Variants in PLCXD2 observed in about 807,000 individuals in gnomAD.
PLCXD2 encodes phosphatidylinositol specific phospholipase C X domain containing 2.
PLCXD2 carries 21 observed loss-of-function variants against 28.6 expected under a neutral mutation model. The observed-to-expected ratio is 0.73, with a 90% confidence interval of 0.52 to 1.06. The LOEUF is 1.06. PLCXD2 is among the 50% of genes least tolerant of loss of function. The probability of loss-of-function intolerance (pLI) is 0.00; values close to 1 mark genes in which losing one functional copy is unlikely to be tolerated. For synonymous variants in PLCXD2, 140 were observed against 150.1 expected (o/e 0.93, Z 0.49); for missense variants, 369 against 376.7 (o/e 0.98, Z 0.17).
chr3:111,684,158 C>T (rs1940757938), intron 1 of PLCXD2, among the ~76,000 whole-genome samples: 1 of 151,862 alleles, frequency 6.6e-6, no homozygotes, highest in Non-Finnish European at 1.5e-5. Context: ...GGTGAAACTC[C>T]ATCTCTACTA....
chr3:111,676,755 G>A (rs1007482684), intron 1 of PLCXD2: 4 of 152,154 alleles, frequency 2.6e-5, no homozygotes, highest in African/African-American at 9.7e-5. Context: ...TTGCCTTCAG[G>A]CCTTCTGATG....
intron 1 of PLCXD2, among the ~76,000 whole-genome samples, chr3:111,694,023 T>C (rs1056326306): frequency 6.6e-6 from 1 of 152,234 alleles, no homozygotes; most frequent in Admixed American, 6.5e-5. Context: ...TTTAAAAATA[T>C]TTACACCTCA....
At chr3:111,693,505 T>C (rs1283003775) in intron 1 of PLCXD2, among the ~76,000 whole-genome samples, 2 of 152,218 alleles carry the variant, frequency 1.3e-5, no homozygotes, top group East Asian at 3.9e-4. Flanking sequence ...GCAAGTCACC[T>C]ATTTGTGTGG....
At chr3:111,726,424 G>C (rs12638437) in intron 3 of PLCXD2, 147,145 of 152,328 alleles carry the variant, frequency 0.97, 71,122 homozygotes, top group East Asian at 1. Context: ...GAAAAATACA[G>C]AAATTGTCAT....
At position 111,675,151 on chromosome 3, in the gene PLCXD2, C is replaced by T. The variant is rs1940600348; in HGVS notation, c.-95C>T. 6.9e-7 allele frequency: 1 copy of T among 1,445,860 alleles called. No homozygotes were observed. Among genetic ancestry groups the T allele is most frequent in the African/African-American group, 1.4e-5 (1 of 70,550 alleles). The allele number at this position is 1,445,860 out of a possible 1,614,324, so 89.6% of individuals were successfully genotyped here. ...AGGCATTTTGGAAAGACTGGCGTGGCAAGCGTCGCCCTGAAACGTCCACAG... is the reference window on the plus strand; with the variant it reads ...AGGCATTTTGGAAAGACTGGCGTGGTAAGCGTCGCCCTGAAACGTCCACAG... On this transcript the variant is annotated 5_prime_UTR_variant, in exon 1 of 5. Coordinates refer to ENST00000477665, the MANE Select transcript of PLCXD2 (RefSeq NM_001185106.1).
At chr3:111,688,605 T>C (rs1940829802) in intron 1 of PLCXD2, among the ~76,000 whole-genome samples, 1 of 152,168 alleles carries the variant, frequency 6.6e-6, no homozygotes. Flanking sequence ...TCCTGCACCA[T>C]AAATCACATC....
At position 111,708,237 on chromosome 3, in the gene PLCXD2, T is replaced by G; in HGVS notation, c.475T>G (p.Phe159Val). ...TACACAGCACCCCCAGGAGATTATC[T>G]TCCTGGATTTCAACCACTTCTATGC... The change falls in exon 2 of 5, where the codon TTC becomes GTC. Residue 159 changes from phenylalanine to valine, a missense_variant. Physicochemically the swap from Phe to Val is conservative, Grantham distance 50 (BLOSUM62 -1). Transcript: ENST00000477665. 6.2e-7 allele frequency: 1 copy of G among 1,614,170 alleles called. No individual in the cohort carries two copies. Among genetic ancestry groups the G allele is most frequent in the Non-Finnish European group, 8.5e-7 (1 of 1,180,014 alleles).
chr3:111,698,055 CA>C (rs1199605579), intron 1 of PLCXD2, among the ~76,000 whole-genome samples: 1 of 152,082 alleles, frequency 6.6e-6, no homozygotes, highest in African/African-American at 2.4e-5. Flanking sequence ...GACAGATCCT[CA>C]AATATAAATA....
At chr3:111,725,839 T>C (rs1941408441) in intron 3 of PLCXD2, 1 of 398,494 alleles carries the variant, frequency 2.5e-6, no homozygotes, top group Admixed American at 4.4e-5. Flanking sequence ...GTGTCATTCC[T>C]TCCCGTCTCC....
chr3:111,712,130 A>C (rs995865501), intron 2 of PLCXD2, among the ~76,000 whole-genome samples: 4 of 152,188 alleles, frequency 2.6e-5, no homozygotes, highest in African/African-American at 9.7e-5. Context: ...TTGGTTTGCA[A>C]GGCCGGCCTC....
At chr3:111,715,053 G>A (rs1422072873) in intron 3 of PLCXD2, among the ~76,000 whole-genome samples, 2 of 152,084 alleles carry the variant, frequency 1.3e-5, no homozygotes, top group Non-Finnish European at 2.9e-5. Flanking sequence ...GGTAACATGA[G>A]TTCAGATAAC....
chr3:111,698,120 T>C (rs1451987100), intron 1 of PLCXD2, among the ~76,000 whole-genome samples: 4 of 152,212 alleles, frequency 2.6e-5, no homozygotes, highest in African/African-American at 9.6e-5. Context: ...GTTTCTCAGA[T>C]AGTATCATCC....
chr3:111,723,799 ATAGT>A (rs1941379213), intron 3 of PLCXD2: 1 of 152,192 alleles, frequency 6.6e-6, no homozygotes, highest in Admixed American at 6.5e-5. Flanking sequence ...CAACAATAAA[ATAGT>A]GACCCAACCA....
In PLCXD2 at chr3:111,676,360, G is replaced by A. The variant is rs115374846; in HGVS notation, c.163+952G>A. 4.0e-3 allele frequency among the ~76,000 whole-genome samples: 615 copies of A among 152,242 alleles called. 2 individuals carry two copies. Among genetic ancestry groups the A allele is most frequent in the African/African-American group, 8.8e-3 (364 of 41,540 alleles). ...AAACTCCCAAGTATTCCCTAGACCCGTCTGGGTTTTTTTTGAGGTTTGGTT... is the reference window on the plus strand; with the variant it reads ...AAACTCCCAAGTATTCCCTAGACCCATCTGGGTTTTTTTTGAGGTTTGGTT... On this transcript the variant is annotated intron_variant, in intron 1 of 4. Coordinates refer to ENST00000477665, the MANE Select transcript of PLCXD2 (RefSeq NM_001185106.1).
intron 1 of PLCXD2, among the ~76,000 whole-genome samples, chr3:111,684,844 G>C (rs1940770288): frequency 6.6e-6 from 1 of 152,046 alleles, no homozygotes; most frequent in Non-Finnish European, 1.5e-5. Context: ...CCAAGTGGGA[G>C]GCGACCCTGA....
intron 3 of PLCXD2, chr3:111,721,398 T>A (rs1000049064): frequency 6.6e-6 from 1 of 152,198 alleles, no homozygotes. Flanking sequence ...TCTAGGATTG[T>A]TGGATGTCAC....
intron 1 of PLCXD2, among the ~76,000 whole-genome samples, chr3:111,690,317 G>A (rs1238130881): frequency 6.6e-6 from 1 of 152,144 alleles, no homozygotes; most frequent in Non-Finnish European, 1.5e-5. Flanking sequence ...GAGCACCCAT[G>A]AGGATGGTGA....
intron 1 of PLCXD2, 46 bp from the exon 2 acceptor site, chr3:111,707,880 C>T: frequency 2.0e-6 from 3 of 1,497,026 alleles, no homozygotes; most frequent in Non-Finnish European, 2.7e-6. Flanking sequence ...TTATTTTTCC[C>T]AGCTCCCGTC....
rs374705702 is a variant in PLCXD2 at position 111,686,021 on chromosome 3, C to T, written c.163+10613C>T. ...GCAATGGAATGCTCATTGTGCCTTGCAGAGCAGGGAAGGTTTAGTACCCTT... is the reference window on the plus strand; with the variant it reads ...GCAATGGAATGCTCATTGTGCCTTGTAGAGCAGGGAAGGTTTAGTACCCTT... On this transcript the variant is annotated intron_variant, in intron 1 of 4. Coordinates refer to ENST00000477665, the MANE Select transcript of PLCXD2 (RefSeq NM_001185106.1). Among the ~76,000 whole-genome samples the T allele has an allele frequency of 2.6e-4, 40 of 152,296 alleles. No homozygotes were observed. In the East Asian group the frequency reaches 4.8e-3, roughly 18 times the overall value.
Sources: allele counts gnomAD v4.1 joint callset (sites outside exome capture counted in the v4.1 genomes callset), GRCh38; gene constraint gnomAD v4.1.1; transcripts MANE v1.5; gene names NCBI Gene and HGNC (gene_info 2026-07-23, HGNC 2026-07-21).